The following SHANK2 variants were observed in gnomAD, a reference collection of about 807,000 sequenced individuals.
The protein encoded by SHANK2 is SH3 and multiple ankyrin repeat domains protein 2.
A neutral mutation model predicts 133.7 loss-of-function variants in SHANK2; 43 were observed. That is an observed-to-expected ratio of 0.32 (90% CI 0.25 to 0.41). The LOEUF (loss-of-function observed/expected upper bound fraction) is 0.41, where lower values mean the gene tolerates loss of function less well. Ranked by LOEUF, SHANK2 falls within the 10% of genes least tolerant of loss-of-function variation. The pLI is 1.00. For missense variants in SHANK2, 1,994 were observed against 2,235.8 expected (o/e 0.89, Z 2.18); for synonymous variants, 1,017 against 952.8 (o/e 1.07, Z -1.24).
At chr11:70,744,775 G>A (rs560373777) in intron 14 of SHANK2, among the ~76,000 whole-genome samples, 2 of 152,184 alleles carry the variant, frequency 1.3e-5, no homozygotes, top group African/African-American at 4.8e-5. Context: ...CCCTGGCTGG[G>A]CCACACCCCA....
At chr11:70,719,566 G>A (rs1013922187) in intron 14 of SHANK2, among the ~76,000 whole-genome samples, 1 of 152,108 alleles carries the variant, frequency 6.6e-6, no homozygotes, top group African/African-American at 2.4e-5. Context: ...CCTGGTTTCT[G>A]TGGCCCTTTC....
chr11:70,627,164 A>C (rs1820945120), intron 17 of SHANK2, among the ~76,000 whole-genome samples: 1 of 152,196 alleles, frequency 6.6e-6, no homozygotes, highest in Non-Finnish European at 1.5e-5. Flanking sequence ...GTTGTTCCCC[A>C]AAATTCCGAT....
intron 14 of SHANK2, among the ~76,000 whole-genome samples, chr11:70,783,358 G>A (rs1311350070): frequency 1.3e-5 from 2 of 152,120 alleles, no homozygotes; most frequent in African/African-American, 2.4e-5. Context: ...GAGACACAAG[G>A]GTAGGGACTC....
intron 10 of SHANK2, chr11:70,942,731 T>C (rs1320826557): frequency 6.6e-6 from 3 of 456,344 alleles, no homozygotes; most frequent in African/African-American, 4.0e-5. Context: ...CAAGCATCAG[T>C]TGCACTCTGC....
At chr11:71,245,642 T>C (rs560443007) in intron 1 of SHANK2, among the ~76,000 whole-genome samples, 259 of 152,312 alleles carry the variant, frequency 1.7e-3, no homozygotes, top group African/African-American at 5.7e-3. Context: ...CCGCCAGGTG[T>C]GGATCCCAGC....
intron 3 of SHANK2, among the ~76,000 whole-genome samples, chr11:71,141,188 G>A (rs1401383307): frequency 2.6e-5 from 4 of 152,294 alleles, no homozygotes; most frequent in Non-Finnish European, 5.9e-5. Flanking sequence ...CCCTGTGGAC[G>A]GGTGTGTTAT....
intron 14 of SHANK2, among the ~76,000 whole-genome samples, chr11:70,770,093 T>A (rs1555042361): frequency 6.6e-6 from 1 of 152,188 alleles, no homozygotes; most frequent in African/African-American, 2.4e-5. Context: ...CTGATTCTGG[T>A]CGCAAAGCAG....
intron 10 of SHANK2, among the ~76,000 whole-genome samples, chr11:70,935,074 C>T (rs1337322402): frequency 6.6e-5 from 10 of 151,994 alleles, no homozygotes; most frequent in African/African-American, 1.9e-4. Flanking sequence ...CAATGCAATC[C>T]GAAAATATGA....
In SHANK2 at chr11:70,640,499, C is replaced by T. The variant is rs1054750404; in HGVS notation, c.2061+19329G>A. Reference sequence around the variant, plus strand: ...TGTGGCCTCCAGCACTGTGAGTGAACGCATCGCTGTTGTCTCAGGCCACTC... The same window carrying T: ...TGTGGCCTCCAGCACTGTGAGTGAATGCATCGCTGTTGTCTCAGGCCACTC... On this transcript the variant is annotated intron_variant, in intron 17 of 25. Transcript: ENST00000601538. 9.2e-5 allele frequency among the ~76,000 whole-genome samples: 14 copies of T among 152,214 alleles called. No individual in the cohort carries two copies. The South Asian group carries it at 1.0e-3, about 11-fold the overall frequency.
In SHANK2 at chr11:70,599,907, G is replaced by GAAAAAGAAAGAAAGAGAAAGAAAT. The variant is rs1228095491; in HGVS notation, c.2061+59920_2061+59921insATTTCTTTCTCTTTCTTTCTTTTT. Among the ~76,000 whole-genome samples, 28 of 12,646 alleles carry GAAAAAGAAAGAAAGAGAAAGAAAT rather than the reference G, an allele frequency of 2.2e-3. 2 individuals carry two copies. Among genetic ancestry groups the GAAAAAGAAAGAAAGAGAAAGAAAT allele is most frequent in the Non-Finnish European group, 3.4e-3 (20 of 5,876 alleles). 8.3% of individuals were successfully genotyped at this position (12,646 alleles called of 152,430 possible). ...AGAAAGAAAAAGAAAGAAAGAAAGAGAAAGAAAGAAAGAAAGAAAGAAAGA... is the reference window on the plus strand; with the variant it reads ...AGAAAGAAAAAGAAAGAAAGAAAGAGAAAAAGAAAGAAAGAGAAAGAAATAAAGAAAGAAAGAAAGAAAGAAAGA... On this transcript the variant is annotated intron_variant, in intron 17 of 25. Transcript: ENST00000601538.
chr11:70,661,578 C>G lies in SHANK2; in HGVS notation c.1936+18G>C. 6.2e-7 allele frequency: 1 copy of G among 1,600,422 alleles called. No homozygotes were observed. Among genetic ancestry groups the G allele is most frequent in the Non-Finnish European group, 8.6e-7 (1 of 1,169,428 alleles). On this transcript the variant is annotated intron_variant, in intron 16 of 25. Coordinates refer to ENST00000601538, the MANE Select transcript of SHANK2 (RefSeq NM_012309.5). The stretch of plus-strand genomic sequence containing the variant: ...ACAAACATGGGAACATATTCAGGCT[C>G]AGAGCGGCTGCTCTTACCTTTGGCC...
intron 21 of SHANK2, among the ~76,000 whole-genome samples, 191 bp from the exon 22 acceptor site, chr11:70,492,656 C>CCTTGCCCT (rs2058907218): frequency 6.6e-6 from 1 of 152,212 alleles, no homozygotes; most frequent in Admixed American, 6.5e-5. Flanking sequence ...CTTCCCAGGA[C>CCTTGCCCT]CTTGCCCTCG....
intron 2 of SHANK2, among the ~76,000 whole-genome samples, chr11:71,190,298 C>T (rs1488764600): frequency 2.6e-5 from 4 of 152,226 alleles, no homozygotes; most frequent in African/African-American, 9.6e-5. Flanking sequence ...TTGGCAGCAG[C>T]TTCAGAAGGC....
chr11:70,525,777 C>A (rs1032289516), intron 17 of SHANK2, among the ~76,000 whole-genome samples: 2 of 152,070 alleles, frequency 1.3e-5, no homozygotes, highest in Non-Finnish European at 1.5e-5. Flanking sequence ...TCCAGCTAAC[C>A]CCCCTCCTAG....
intron 14 of SHANK2, among the ~76,000 whole-genome samples, chr11:70,715,640 T>C (rs1019711663): frequency 3.3e-5 from 5 of 152,232 alleles, no homozygotes; most frequent in Non-Finnish European, 7.3e-5. Context: ...TGGAAGCATG[T>C]ATACCAATAC....
At chr11:71,147,689 C>G (rs1451471418) in intron 2 of SHANK2, among the ~76,000 whole-genome samples, 1 of 152,196 alleles carries the variant, frequency 6.6e-6, no homozygotes, top group Non-Finnish European at 1.5e-5. Flanking sequence ...CAGAGGGCCA[C>G]TGGGGCTGTC....
At chr11:70,491,586 A>G (rs1332108040) in intron 22 of SHANK2, among the ~76,000 whole-genome samples, 1 of 152,278 alleles carries the variant, frequency 6.6e-6, no homozygotes. Flanking sequence ...AAAGCTAGAC[A>G]TAGGCAGTTT....
intron 14 of SHANK2, among the ~76,000 whole-genome samples, chr11:70,714,316 G>C (rs1459193345): frequency 6.6e-6 from 1 of 152,222 alleles, no homozygotes; most frequent in Admixed American, 6.5e-5. Context: ...CCTGCAGCCT[G>C]GCCCCTGATG....
intron 11 of SHANK2, among the ~76,000 whole-genome samples, chr11:70,862,579 CG>C (rs1176581680): frequency 6.6e-6 from 1 of 151,192 alleles, no homozygotes; most frequent in African/African-American, 2.4e-5. Flanking sequence ...ATGGACTGGA[CG>C]GGCTGATGGA....
Sources: allele counts gnomAD v4.1 joint callset (sites outside exome capture counted in the v4.1 genomes callset), GRCh38; gene constraint gnomAD v4.1.1; transcripts MANE v1.5; gene names NCBI Gene and HGNC (gene_info 2026-07-23, HGNC 2026-07-21).